Variants in AGBL1 observed in about 807,000 individuals in gnomAD.
AGBL1 encodes the protein cytosolic carboxypeptidase 4.
A neutral mutation model predicts 118.9 loss-of-function variants in AGBL1; 130 were observed. The ratio of observed to expected loss-of-function variants is 1.09; its 90% CI spans 0.95 to 1.26. AGBL1 has a LOEUF of 1.26. AGBL1 is among the 50% of genes most tolerant of loss of function. The pLI is 0.00. For synonymous variants in AGBL1, 555 were observed against 478.9 expected (o/e 1.16, Z -2.08); for missense variants, 1,584 against 1,298.1 (o/e 1.22, Z -3.38).
chr15:86,432,089 C>T (rs1184857293), intron 18 of AGBL1, among the ~76,000 whole-genome samples: 1 of 152,082 alleles, frequency 6.6e-6, no homozygotes, highest in Admixed American at 6.6e-5. Context: ...CTCTGTGGTT[C>T]AGGATTCTGT....
intron 21 of AGBL1, among the ~76,000 whole-genome samples, chr15:86,595,616 A>G (rs957119619): frequency 6.6e-6 from 1 of 152,098 alleles, no homozygotes; most frequent in African/African-American, 2.4e-5. Context: ...AGTCTGAGGG[A>G]CCATCACCTC....
intron 7 of AGBL1, among the ~76,000 whole-genome samples, chr15:86,249,086 A>G (rs1309269539): frequency 6.6e-6 from 1 of 152,182 alleles, no homozygotes; most frequent in Non-Finnish European, 1.5e-5. Context: ...ATTTCACCTG[A>G]TTAGGGCTAA....
chr15:86,147,856 G>C (rs1314321903), intron 3 of AGBL1, among the ~76,000 whole-genome samples: 3 of 152,154 alleles, frequency 2.0e-5, no homozygotes, highest in Admixed American at 2.0e-4. Flanking sequence ...CTCCCAGTAG[G>C]GGCCGACTGA....
At position 86,568,919 on chromosome 15, in the gene AGBL1, A is replaced by G. The variant is rs1267981309; in HGVS notation, c.2994+14382A>G. Among the ~76,000 whole-genome samples the G allele has an allele frequency of 3.3e-5, 5 of 152,160 alleles. No homozygotes were observed. The South Asian group carries it at 6.2e-4, about 19-fold the overall frequency. On this transcript the variant is annotated intron_variant, in intron 21 of 22. Coordinates refer to ENST00000614907, the MANE Select transcript of AGBL1 (RefSeq NM_001386094.1). ...TTAATGACAATGAGATGCTGTATGT[A>G]TGATAAATATGATTTAAAAGTTGAA...
intron 1 of AGBL1, among the ~76,000 whole-genome samples, chr15:86,123,907 G>A (rs796427429): frequency 5.3e-5 from 8 of 152,234 alleles, no homozygotes; most frequent in Admixed American, 2.0e-4. Flanking sequence ...CTGAGAAACC[G>A]CCACAGACCA....
chr15:86,407,961 C>T (rs1179856142), intron 18 of AGBL1, among the ~76,000 whole-genome samples: 6 of 152,032 alleles, frequency 3.9e-5, no homozygotes, highest in Non-Finnish European at 7.4e-5. Flanking sequence ...GGGCAGAGGA[C>T]CAGGACTCCT....
At chr15:86,657,302 G>A (rs1002494602) in intron 21 of AGBL1, among the ~76,000 whole-genome samples, 13 of 152,132 alleles carry the variant, frequency 8.5e-5, no homozygotes, top group Non-Finnish European at 1.5e-4. Context: ...GTAAGAGCTC[G>A]TTTCCTCCTG....
At chr15:86,748,917 G>C (rs2141249679) in intron 22 of AGBL1, among the ~76,000 whole-genome samples, 1 of 152,156 alleles carries the variant, frequency 6.6e-6, no homozygotes, top group Non-Finnish European at 1.5e-5. Context: ...CTGTAGCCTT[G>C]TAGTATAGTT....
chr15:86,270,184 T>C, intron 14 of AGBL1, 117 bp downstream of exon 14: 1 of 1,386,740 alleles, frequency 7.2e-7, no homozygotes, highest in East Asian at 2.5e-5. Context: ...GGGCAGAGTT[T>C]TGGGTTGCCA....
intron 18 of AGBL1, 84 bp from the exon 19 acceptor site, chr15:86,522,726 T>G: frequency 4.0e-6 from 6 of 1,486,524 alleles, no homozygotes; most frequent in Non-Finnish European, 5.4e-6. Flanking sequence ...GTCATTAGTT[T>G]AATTGTTTAT....
chr15:86,408,006 G>A (rs1596077247), intron 18 of AGBL1, among the ~76,000 whole-genome samples: 1 of 152,310 alleles, frequency 6.6e-6, no homozygotes, highest in East Asian at 1.9e-4. Flanking sequence ...GGAAGAAGCA[G>A]CGCAGACCAG....
chr15:86,357,776 C>A (rs1318281899), intron 17 of AGBL1, among the ~76,000 whole-genome samples: 1 of 152,028 alleles, frequency 6.6e-6, no homozygotes, highest in Non-Finnish European at 1.5e-5. Context: ...TTCCATGAAG[C>A]AATAATTTGT....
At chr15:86,490,075 A>T (rs2082760279) in intron 18 of AGBL1, among the ~76,000 whole-genome samples, 1 of 151,988 alleles carries the variant, frequency 6.6e-6, no homozygotes, top group African/African-American at 2.4e-5. Flanking sequence ...GCTCAACATA[A>T]AGTGCTTCGG....
At chr15:86,134,383 A>G (rs1223400389) in intron 1 of AGBL1, among the ~76,000 whole-genome samples, 1 of 152,178 alleles carries the variant, frequency 6.6e-6, no homozygotes, top group Non-Finnish European at 1.5e-5. Context: ...CTTATTCTTT[A>G]GAGGCTAAGA....
intron 23 of AGBL1, among the ~76,000 whole-genome samples, chr15:86,944,888 G>A (rs182465766): frequency 6.6e-6 from 1 of 152,028 alleles, no homozygotes; most frequent in Admixed American, 6.6e-5. Context: ...CAGGGAAAAG[G>A]GTTTTCTCTA....
chr15:86,814,103 A>G (rs1254372087), intron 22 of AGBL1, among the ~76,000 whole-genome samples: 5 of 152,140 alleles, frequency 3.3e-5, no homozygotes, highest in Admixed American at 3.3e-4. Flanking sequence ...TCCATGGCCT[A>G]TTAGGAAGCA....
intron 5 of AGBL1, among the ~76,000 whole-genome samples, chr15:86,194,620 T>C (rs982560925): frequency 6.6e-6 from 1 of 152,334 alleles, no homozygotes; most frequent in South Asian, 2.1e-4. Context: ...GTGTAACTTA[T>C]TTTCCTACGA....
At chr15:86,544,353 C>T (rs1158502273) in intron 19 of AGBL1, among the ~76,000 whole-genome samples, 1 of 152,108 alleles carries the variant, frequency 6.6e-6, no homozygotes, top group Non-Finnish European at 1.5e-5. Flanking sequence ...AACAGCAAGA[C>T]AGCAAACCCC....
At chr15:86,801,594 T>A (rs975515818) in intron 22 of AGBL1, among the ~76,000 whole-genome samples, 1 of 152,098 alleles carries the variant, frequency 6.6e-6, no homozygotes, top group Non-Finnish European at 1.5e-5. Flanking sequence ...TCTTGGCATA[T>A]ATCTGTCTGT....
Sources: gnomAD v4.1 joint callset for allele counts (sites outside exome capture counted in the v4.1 genomes callset) on GRCh38, gnomAD v4.1.1 for gene constraint, MANE v1.5 for transcripts, NCBI Gene and HGNC (gene_info 2026-07-23, HGNC 2026-07-21) for gene names.